ADAMTS16: variants seen among roughly 807,000 people sequenced by gnomAD.
The protein encoded by ADAMTS16 is A disintegrin and metalloproteinase with thrombospondin motifs 16.
In ADAMTS16, 94 loss-of-function variants were observed where a neutral mutation model predicts 145.8. The ratio of observed to expected loss-of-function variants is 0.64; its 90% CI spans 0.55 to 0.77. The LOEUF is 0.77. Ranked by LOEUF, ADAMTS16 falls within the 30% of genes least tolerant of loss-of-function variation. The pLI is 0.00. For synonymous variants in ADAMTS16, 659 were observed against 604.3 expected, an observed-to-expected ratio of 1.09 and a Z score of -1.33; for missense variants, 1,585 against 1,591.5, an observed-to-expected ratio of 1.00 and a Z score of 0.07.
rs903164437 is a variant in ADAMTS16, at chr5:5,319,389, C to G, written c.*251C>G. ...CACCCTGGCAGACAGAGCTGTGGCT[C>G]GTGAGGCAGAAGGCAGGCACCACAA... On this transcript the variant is annotated 3_prime_UTR_variant, in exon 23 of 23. Coordinates refer to ENST00000274181, the MANE Select transcript of ADAMTS16 (RefSeq NM_139056.4). The G allele has an allele frequency of 3.7e-5, 18 of 492,872 alleles. No homozygotes were observed. Among genetic ancestry groups the G allele is most frequent in the Non-Finnish European group, 5.1e-5 (14 of 272,420 alleles). The allele number at this position is 492,872 out of a possible 1,614,324, so 30.5% of individuals were successfully genotyped here.
chr5:5,208,570 G>C (rs1029913795), intron 9 of ADAMTS16, among the ~76,000 whole-genome samples: 1 of 152,160 alleles, frequency 6.6e-6, no homozygotes, highest in Non-Finnish European at 1.5e-5. Context: ...TGAGCACAGA[G>C]CATTGCTGGT....
rs1735549972 is a variant in ADAMTS16, at chr5:5,187,825, ACTAT to A, written c.1047+21_1047+24del. On this transcript the variant is annotated intron_variant, in intron 6 of 22. Transcript: ENST00000274181. ...GATGAACAGGTAGTTTATCTTTGAA[ACTAT>A]CTACTCTTTTTATTCCTAGAAAAAT... 1.3e-6 allele frequency: 2 copies of A among 1,483,880 alleles called. No individual in the cohort carries two copies. Among genetic ancestry groups the A allele is most frequent in the African/African-American group, 2.8e-5 (2 of 72,332 alleles). The allele number at this position is 1,483,880 out of a possible 1,614,324, so 91.9% of individuals were successfully genotyped here.
At chr5:5,280,623 T>A (rs1043225526) in intron 18 of ADAMTS16, among the ~76,000 whole-genome samples, 1 of 152,164 alleles carries the variant, frequency 6.6e-6, no homozygotes, top group Non-Finnish European at 1.5e-5. Context: ...TTCCTTAGAA[T>A]TGGGGATGGT....
intron 2 of ADAMTS16, among the ~76,000 whole-genome samples, chr5:5,145,644 C>G (rs1291338808): frequency 6.6e-6 from 1 of 152,236 alleles, no homozygotes; most frequent in Admixed American, 6.5e-5. Context: ...TATTTTCTCT[C>G]TTCAAAATAA....
chr5:5,315,746 A>G (rs1734034334), intron 21 of ADAMTS16, among the ~76,000 whole-genome samples: 2 of 152,258 alleles, frequency 1.3e-5, no homozygotes, highest in Non-Finnish European at 2.9e-5. Context: ...CGAAAGATGT[A>G]ATAAGTGATG....
At chr5:5,254,519 A>G (rs1737722591) in intron 17 of ADAMTS16, among the ~76,000 whole-genome samples, 1 of 152,198 alleles carries the variant, frequency 6.6e-6, no homozygotes, top group African/African-American at 2.4e-5. Context: ...ATACACACAT[A>G]AACACACAAA....
chr5:5,140,627 C>T, intron 1 of ADAMTS16, 37 bp from the exon 2 acceptor site: 2 of 1,529,992 alleles, frequency 1.3e-6, no homozygotes, highest in Non-Finnish European at 1.7e-6. Flanking sequence ...CCGCGGACCC[C>T]GCCGTCTCAC....
At chr5:5,290,063 T>C (rs73735792) in intron 18 of ADAMTS16, among the ~76,000 whole-genome samples, 1,596 of 152,340 alleles carry the variant, frequency 0.01, 29 homozygotes, top group African/African-American at 0.036. Context: ...ACTTAGATGA[T>C]GTATTGTTTA....
intron 18 of ADAMTS16, among the ~76,000 whole-genome samples, chr5:5,267,066 G>T (rs923047733): frequency 6.6e-6 from 1 of 152,152 alleles, no homozygotes; most frequent in East Asian, 1.9e-4. Flanking sequence ...ATTGAAACTG[G>T]AGGAGCTCCC....
intron 10 of ADAMTS16, among the ~76,000 whole-genome samples, chr5:5,219,598 C>A (rs1736535215): frequency 6.6e-6 from 1 of 152,174 alleles, no homozygotes; most frequent in South Asian, 2.1e-4. Flanking sequence ...ACCAAGGTCC[C>A]AAATTATGTT....
intron 11 of ADAMTS16, among the ~76,000 whole-genome samples, chr5:5,231,029 C>T (rs1736904695): frequency 6.6e-6 from 1 of 152,160 alleles, no homozygotes; most frequent in South Asian, 2.1e-4. Context: ...AAAACGACAA[C>T]AACTAGCACA....
intron 10 of ADAMTS16, among the ~76,000 whole-genome samples, chr5:5,217,373 C>G (rs1330335408): frequency 6.6e-6 from 1 of 152,110 alleles, no homozygotes; most frequent in Non-Finnish European, 1.5e-5. Context: ...AACTAAAGAG[C>G]TTCTGCACAG....
At chr5:5,210,944 G>C (rs765077050) in intron 10 of ADAMTS16, among the ~76,000 whole-genome samples, 2 of 152,110 alleles carry the variant, frequency 1.3e-5, no homozygotes, top group African/African-American at 4.8e-5. Context: ...AACCTCACTT[G>C]GTCGTAATCT....
At chr5:5,153,964 T>C (rs934798355) in intron 3 of ADAMTS16, among the ~76,000 whole-genome samples, 1 of 152,136 alleles carries the variant, frequency 6.6e-6, no homozygotes, top group African/African-American at 2.4e-5. Context: ...AGGGCCCTGG[T>C]TTGAATTGTA....
In ADAMTS16 at chr5:5,190,054, G is replaced by C. The variant is rs753335605; in HGVS notation, c.1131G>C (p.Gly377=). 6.2e-7 allele frequency: 1 copy of C among 1,613,298 alleles called. No homozygotes were observed. The highest frequency in any genetic ancestry group is 1.1e-5 in the South Asian group (1 of 90,816). ...AGTCTGGATTGATGGGGAAAGATGG[G>C]ACTCGTCATGACCACGCCATCTTAC... The part of the protein sequence containing the change: ...QWQSGLMGKD[G]TRHDHAILLT... The change falls in exon 7 of 23, where the codon GGG becomes GGC. Residue 377 remains glycine, a synonymous_variant. Coordinates refer to ENST00000274181, the MANE Select transcript of ADAMTS16 (RefSeq NM_139056.4).
intron 18 of ADAMTS16, among the ~76,000 whole-genome samples, chr5:5,293,893 G>T (rs1739428441): frequency 6.6e-6 from 1 of 152,170 alleles, no homozygotes; most frequent in Non-Finnish European, 1.5e-5. Context: ...TACTCTAACA[G>T]CTGAGGGGCC....
chr5:5,312,084 C>G (rs1740475711), intron 21 of ADAMTS16, among the ~76,000 whole-genome samples: 1 of 152,224 alleles, frequency 6.6e-6, no homozygotes, highest in East Asian at 1.9e-4. Context: ...TATTTCTCCA[C>G]AGAATGTTTG....
In ADAMTS16 at chr5:5,187,689, T is replaced by G. The variant is rs769619029; in HGVS notation, c.964-36T>G. ...CTAGTAAGTAGGGGGGAAAATGCCATTTATGGGGCTGACATGGATTTCCTG... is the reference window on the plus strand; with the variant it reads ...CTAGTAAGTAGGGGGGAAAATGCCAGTTATGGGGCTGACATGGATTTCCTG... On this transcript the variant is annotated intron_variant, in intron 5 of 22. Transcript: ENST00000274181. The G allele has an allele frequency of 8.8e-6, 13 of 1,480,000 alleles. No individual in the cohort carries two copies. The East Asian group carries it at 2.9e-4, about 33-fold the overall frequency. 91.7% of individuals were successfully genotyped at this position (1,480,000 alleles called of 1,614,324 possible).
chr5:5,232,233 G>A (rs2913623), intron 11 of ADAMTS16, 135 bp from the exon 12 acceptor site: 668,493 of 925,508 alleles, frequency 0.72, 242,993 homozygotes, highest in African/African-American at 0.85. Context: ...ATTAGGTGCT[G>A]CTTGAGTGTA....
Sources: allele counts gnomAD v4.1 joint callset (sites outside exome capture counted in the v4.1 genomes callset), GRCh38; gene constraint gnomAD v4.1.1; transcripts MANE v1.5; gene names NCBI Gene and HGNC (gene_info 2026-07-23, HGNC 2026-07-21).